Variants in SCNN1B observed in about 807,000 individuals in gnomAD.
The protein encoded by SCNN1B is epithelial sodium channel subunit beta.
A neutral mutation model predicts 65.3 loss-of-function variants in SCNN1B; 46 were observed. That is an observed-to-expected ratio of 0.70 (90% CI 0.56 to 0.90). SCNN1B has a LOEUF of 0.90. Among genes scored for constraint, SCNN1B ranks in the 40% least tolerant of loss-of-function variants. The pLI, the probability that SCNN1B is intolerant of heterozygous loss-of-function variation, is 0.00. For missense variants in SCNN1B, 751 were observed against 830.5 expected (o/e 0.90, Z 1.18); for synonymous variants, 349 against 330.6 (o/e 1.06, Z -0.60).
In SCNN1B at chr16:23,380,828, T is replaced by A. The variant is rs1963036966; in HGVS notation, c.*27T>A. On this transcript the variant is annotated 3_prime_UTR_variant, in exon 13 of 13. Coordinates refer to ENST00000343070, the MANE Select transcript of SCNN1B (RefSeq NM_000336.3). This position sits in a 1 kb window ranked among gnomAD's most constrained non-coding sequence, Gnocchi z 5.4. ...CCTGCCCCTGCCCACCCCGGGCGGC[T>A]GAAACTCACTGAGCAGCCAAGACTG... 1 of 1,610,558 alleles carries A rather than the reference T, an allele frequency of 6.2e-7. No individual in the cohort carries two copies.
At chr16:23,360,361 C>A (rs567821666) in intron 4 of SCNN1B, among the ~76,000 whole-genome samples, 2 of 151,158 alleles carry the variant, frequency 1.3e-5, no homozygotes, top group Non-Finnish European at 2.9e-5. Flanking sequence ...CATAGTGAGA[C>A]CCCCCATCTC....
intron 1 of SCNN1B, among the ~76,000 whole-genome samples, chr16:23,329,200 G>A (rs984206693): frequency 6.6e-6 from 1 of 151,680 alleles, no homozygotes; most frequent in African/African-American, 2.4e-5. Context: ...CAGCCTCATC[G>A]GTTTGGGCTC....
At chr16:23,358,181 G>A (rs1472896827) in intron 4 of SCNN1B, 1 of 152,210 alleles carries the variant, frequency 6.6e-6, no homozygotes, top group Non-Finnish European at 1.5e-5. Context: ...CCCTCCAAAA[G>A]GAGCCCCATT....
chr16:23,343,635 GAAAGAAAGAAAGAAAAAAAGA>G lies in SCNN1B; in HGVS notation c.-8-4954_-8-4934del, dbSNP rs1567304453. Among the ~76,000 whole-genome samples, 113 of 101,716 alleles carry G rather than the reference GAAAGAAAGAAAGAAAAAAAGA, an allele frequency of 1.1e-3. 1 individual carries two copies. The highest frequency in any genetic ancestry group is 1.9e-3 in the Admixed American group (20 of 10,274). The allele number at this position is 101,716 out of a possible 152,430, so 66.7% of individuals were successfully genotyped here. A position where few individuals can be genotyped will look rare whatever the true frequency, so the allele number is the denominator to read the frequency against. Reference sequence around the variant, plus strand: ...AGAAAGAAAGAAAGAAAGAAAGAAAGAAAGAAAGAAAGAAAAAAAGAAAGGAAGGAAGGAAGAAAAAAAAAA... The same window carrying G: ...AGAAAGAAAGAAAGAAAGAAAGAAAGAAGGAAGGAAGGAAGAAAAAAAAAA... On this transcript the variant is annotated intron_variant, in intron 1 of 12. Coordinates refer to ENST00000343070, the MANE Select transcript of SCNN1B (RefSeq NM_000336.3).
chr16:23,372,218 G>A (rs1164201867), intron 7 of SCNN1B: 2 of 398,920 alleles, frequency 5.0e-6, no homozygotes, highest in Non-Finnish European at 9.5e-6. Context: ...GCTGTGCGAA[G>A]GGCTGGAACA....
chr16:23,362,342 AAT>A (rs1227480286), intron 4 of SCNN1B, among the ~76,000 whole-genome samples: 18 of 151,638 alleles, frequency 1.2e-4, no homozygotes, highest in African/African-American at 4.4e-4. Flanking sequence ...AAAAAAAAAA[AAT>A]AAAGTTAAAT....
At chr16:23,309,635 A>G (rs1961298191) in intron 1 of SCNN1B, among the ~76,000 whole-genome samples, 1 of 152,188 alleles carries the variant, frequency 6.6e-6, no homozygotes, top group Non-Finnish European at 1.5e-5. Flanking sequence ...AGGCCAGTCT[A>G]GGCTTTTCAC....
chr16:23,337,518 T>C (rs1173819698), intron 1 of SCNN1B, among the ~76,000 whole-genome samples: 1 of 151,692 alleles, frequency 6.6e-6, no homozygotes, highest in African/African-American at 2.4e-5. Context: ...GCTGGAATTA[T>C]AGGCACCTGT....
rs757476451 is a variant in SCNN1B, at chr16:23,365,597, GAA to G, written c.777-2257_777-2256del. Among the ~76,000 whole-genome samples the G allele has an allele frequency of 2.0e-3, 117 of 59,772 alleles. 1 individual carries two copies. The East Asian group carries it at 0.035, about 18-fold the overall frequency. 39.2% of individuals were successfully genotyped at this position (59,772 alleles called of 152,430 possible). A position where few individuals can be genotyped will look rare whatever the true frequency, so the allele number is the denominator to read the frequency against. The stretch of plus-strand genomic sequence containing the variant: ...AAAGAAAGAAAGAAAGAGAAAGAAA[GAA>G]AGAAAGAAAGAAAGAAAGAAAAAAG... On this transcript the variant is annotated intron_variant, in intron 4 of 12. Coordinates refer to ENST00000343070, the MANE Select transcript of SCNN1B (RefSeq NM_000336.3).
At chr16:23,330,850 C>T in intron 1 of SCNN1B, among the ~76,000 whole-genome samples, 1 of 152,148 alleles carries the variant, frequency 6.6e-6, no homozygotes, top group East Asian at 1.9e-4. Flanking sequence ...CATGAGCCAC[C>T]ATGCCCGGCC....
At chr16:23,308,857 C>T (rs1306998109) in intron 1 of SCNN1B, among the ~76,000 whole-genome samples, 4 of 152,128 alleles carry the variant, frequency 2.6e-5, no homozygotes, top group African/African-American at 4.8e-5. Context: ...GCTGCGTCGG[C>T]CTCCCAAAGT....
At chr16:23,339,956 C>T (rs141166372) in intron 1 of SCNN1B, among the ~76,000 whole-genome samples, 149 of 152,238 alleles carry the variant, frequency 9.8e-4, no homozygotes, top group African/African-American at 3.3e-3. Context: ...CCGGTTGCTA[C>T]ACATCCTCAC....
intron 1 of SCNN1B, among the ~76,000 whole-genome samples, chr16:23,342,182 T>A (rs189203671): frequency 6.6e-6 from 1 of 152,342 alleles, no homozygotes; most frequent in East Asian, 1.9e-4. Flanking sequence ...TAATACATGC[T>A]GCAACGTACC....
At chr16:23,307,862 C>T (rs73542346) in intron 1 of SCNN1B, among the ~76,000 whole-genome samples, 1 of 152,064 alleles carries the variant, frequency 6.6e-6, no homozygotes, top group African/African-American at 2.4e-5. Context: ...CCAGCCCAAG[C>T]AACATAGCAA....
In SCNN1B at chr16:23,378,762, G is replaced by A. The variant is rs758983451; in HGVS notation, c.1461G>A (p.Leu487=). 2 of 1,614,098 alleles carry A rather than the reference G, an allele frequency of 1.2e-6. No homozygotes were observed. The highest frequency in any genetic ancestry group is 1.1e-5 in the South Asian group (1 of 91,078). Residue 487 remains leucine, a synonymous_variant, in exon 11 of 13, where the codon CTG becomes CTA. Coordinates refer to ENST00000343070, the MANE Select transcript of SCNN1B (RefSeq NM_000336.3). ...QERDQSTNIT[L]SRKGIVKLNI... Reference sequence around the variant, plus strand: ...GGGACCAAAGCACCAATATCACCCTGAGCAGGTGAGCCTGAGCCTGGGCGG... The same window carrying A: ...GGGACCAAAGCACCAATATCACCCTAAGCAGGTGAGCCTGAGCCTGGGCGG...
chr16:23,355,361 A>C lies in SCNN1B; in HGVS notation c.648A>C (p.Thr216=). 1.2e-6 allele frequency: 2 copies of C among 1,614,152 alleles called. No homozygotes were observed. The highest frequency in any genetic ancestry group is 1.1e-5 in the South Asian group (1 of 91,072). ...RNFTSATQAL[T]EWYILQATNI... ...TCACCAGTGCTACCCAGGCATTGAC[A>C]GAGTGGTACATCCTGCAGGCCACCA... Residue 216 remains threonine, a synonymous_variant, in exon 4 of 13, where the codon ACA becomes ACC. Transcript: ENST00000343070.
At chr16:23,327,800 C>G (rs1961727936) in intron 1 of SCNN1B, among the ~76,000 whole-genome samples, 1 of 152,162 alleles carries the variant, frequency 6.6e-6, no homozygotes, top group South Asian at 2.1e-4. Flanking sequence ...GGCCTCATGA[C>G]AAGATGGGTC....
chr16:23,357,154 A>T (rs1254561635), intron 4 of SCNN1B, among the ~76,000 whole-genome samples: 1 of 152,206 alleles, frequency 6.6e-6, no homozygotes, highest in Non-Finnish European at 1.5e-5. Flanking sequence ...GCTGAATCTT[A>T]ATGCTATGGG....
chr16:23,328,130 G>A (rs370481370), intron 1 of SCNN1B, among the ~76,000 whole-genome samples: 1 of 152,200 alleles, frequency 6.6e-6, no homozygotes, highest in East Asian at 1.9e-4. Flanking sequence ...GAGTTTACAA[G>A]ACAAGAAAGG....
Sources: gnomAD v4.1 joint callset for allele counts (sites outside exome capture counted in the v4.1 genomes callset) on GRCh38, gnomAD v4.1.1 for gene constraint, Gnocchi (gnomAD v3.1) non-coding constraint, MANE v1.5 for transcripts, NCBI Gene and HGNC (gene_info 2026-07-23, HGNC 2026-07-21) for gene names.